The following ARK2C variants were observed in gnomAD, a reference collection of about 807,000 sequenced individuals.
The protein encoded by ARK2C is arkadia (RNF111) C-terminal like ring finger ubiquitin ligase 2C.
the ARK2C span, among the ~76,000 whole-genome samples, chr18:46,412,620 C>G: frequency 6.6e-6 from 1 of 152,196 alleles, no homozygotes; most frequent in African/African-American, 2.4e-5. Flanking sequence ...CACCTCCTCT[C>G]TCCTCCCTAC....
At chr18:46,398,408 A>C in the ARK2C span, among the ~76,000 whole-genome samples, 5 of 151,948 alleles carry the variant, frequency 3.3e-5, no homozygotes, top group South Asian at 1.0e-3. Context: ...CCGAGCCTTC[A>C]TCAGGGCTGT....
At chr18:46,420,073 C>T in the ARK2C span, among the ~76,000 whole-genome samples, 1 of 152,164 alleles carries the variant, frequency 6.6e-6, no homozygotes, top group Non-Finnish European at 1.5e-5. Flanking sequence ...AGCAGATATC[C>T]ACTCACTGAT....
At chr18:46,457,369 C>T in the ARK2C span, 1 of 152,158 alleles carries the variant, frequency 6.6e-6, no homozygotes, top group African/African-American at 2.4e-5. Context: ...TTTTGTTTTT[C>T]TCATGTTTAC....
the ARK2C span, chr18:46,450,495 T>C: frequency 1.0e-6 from 1 of 987,128 alleles, no homozygotes; most frequent in South Asian, 1.3e-5. Context: ...GAGTAGGGTA[T>C]GGGTGTCAGG....
chr18:46,429,371 C>T, the ARK2C span, among the ~76,000 whole-genome samples: 4 of 152,220 alleles, frequency 2.6e-5, no homozygotes, highest in African/African-American at 4.8e-5. Flanking sequence ...GGCAAAATCC[C>T]TCAACCGCAG....
chr18:46,462,097 C>T, the ARK2C span: 1 of 152,316 alleles, frequency 6.6e-6, no homozygotes, highest in African/African-American at 2.4e-5. Context: ...GCCTTTGCTC[C>T]CTGGGGACTG....
At chr18:46,405,698 G>T in the ARK2C span, among the ~76,000 whole-genome samples, 2 of 152,086 alleles carry the variant, frequency 1.3e-5, no homozygotes, top group Non-Finnish European at 2.9e-5. Flanking sequence ...GACTTGATTT[G>T]GATGGTTTGA....
the ARK2C span, chr18:46,337,651 A>G: frequency 7.3e-6 from 7 of 960,794 alleles, no homozygotes; most frequent in Non-Finnish European, 6.2e-6. Context: ...TCCTATATTA[A>G]CCTAGTGTGC....
At chr18:46,416,412 A>G in the ARK2C span, among the ~76,000 whole-genome samples, 1 of 152,216 alleles carries the variant, frequency 6.6e-6, no homozygotes. Context: ...GATTGCATCC[A>G]GCCCTGTCCT....
chr18:46,434,303 A>C, the ARK2C span, among the ~76,000 whole-genome samples: 1 of 152,264 alleles, frequency 6.6e-6, no homozygotes, highest in Admixed American at 6.5e-5. Flanking sequence ...TATTAAAAAT[A>C]AAAACTAAAA....
the ARK2C span, among the ~76,000 whole-genome samples, chr18:46,349,837 G>T: frequency 6.6e-6 from 1 of 152,160 alleles, no homozygotes; most frequent in Non-Finnish European, 1.5e-5. Context: ...AGCACCTGAT[G>T]CTCACATCAT....
chr18:46,449,340 GT>G, the ARK2C span, among the ~76,000 whole-genome samples: 4 of 151,836 alleles, frequency 2.6e-5, no homozygotes, highest in Non-Finnish European at 4.4e-5. Context: ...CAGCATGGAG[GT>G]TTTTTTTGCA....
the ARK2C span, among the ~76,000 whole-genome samples, chr18:46,446,594 C>G: frequency 6.7e-6 from 1 of 148,814 alleles, no homozygotes; most frequent in African/African-American, 2.5e-5. Context: ...TTGCTTGAAC[C>G]CAGAAGATGG....
the ARK2C span, among the ~76,000 whole-genome samples, chr18:46,372,965 C>T: frequency 1.3e-5 from 2 of 152,240 alleles, no homozygotes; most frequent in Non-Finnish European, 2.9e-5. Flanking sequence ...CAGCCTCACT[C>T]AGGGAGGGGG....
the ARK2C span, among the ~76,000 whole-genome samples, chr18:46,348,088 A>G: frequency 1.3e-5 from 2 of 152,136 alleles, no homozygotes; most frequent in Non-Finnish European, 2.9e-5. Context: ...GCATGGCCCT[A>G]AGGTATGTGC....
chr18:46,428,652 A>G, the ARK2C span, among the ~76,000 whole-genome samples: 1 of 152,354 alleles, frequency 6.6e-6, no homozygotes, highest in Non-Finnish European at 1.5e-5. Flanking sequence ...ATGTGTGGCA[A>G]GTACAAAATA....
the ARK2C span, among the ~76,000 whole-genome samples, chr18:46,395,181 C>A: frequency 6.6e-6 from 1 of 152,214 alleles, no homozygotes; most frequent in African/African-American, 2.4e-5. Context: ...TCCAGTACCA[C>A]GTTTGCTATT....
the ARK2C span, among the ~76,000 whole-genome samples, chr18:46,343,233 G>A: frequency 6.6e-6 from 1 of 152,224 alleles, no homozygotes; most frequent in Non-Finnish European, 1.5e-5. Context: ...CTTCCATCGA[G>A]AGGCCCAAAT....
At chr18:46,461,999 T>G in the ARK2C span, 1 of 152,282 alleles carries the variant, frequency 6.6e-6, no homozygotes, top group African/African-American at 2.4e-5. Flanking sequence ...TCTTCATTGT[T>G]GAGATGCTGC....
Sources: gnomAD v4.1 joint callset for allele counts (sites outside exome capture counted in the v4.1 genomes callset) on GRCh38, gnomAD v4.1.1 for gene constraint, MANE v1.5 for transcripts, NCBI Gene and HGNC (gene_info 2026-07-23, HGNC 2026-07-21) for gene names.